The following PAM variants were observed in gnomAD, a reference collection of about 807,000 sequenced individuals.
The protein encoded by PAM is peptidyl-glycine alpha-amidating monooxygenase.
In PAM, 72 loss-of-function variants were observed where a neutral mutation model predicts 122.1. That is an observed-to-expected ratio of 0.59 (90% confidence interval 0.49 to 0.72). PAM has a LOEUF of 0.72. Ranked by LOEUF, PAM falls within the 30% of genes least tolerant of loss-of-function variation. The probability of loss-of-function intolerance (pLI) is 0.00; values close to 1 mark genes in which losing one functional copy is unlikely to be tolerated. For synonymous variants in PAM, 389 were observed against 404.4 expected, an observed-to-expected ratio of 0.96 and a Z score of 0.46; for missense variants, 1,106 against 1,183.7, an observed-to-expected ratio of 0.93 and a Z score of 0.96.
chr5:102,789,739 C>A (rs1346332372), intron 1 of PAM, among the ~76,000 whole-genome samples: 1 of 151,994 alleles, frequency 6.6e-6, no homozygotes, highest in Admixed American at 6.6e-5. Context: ...AACAGTGTGA[C>A]TGTAATTAAT....
At chr5:102,870,362 G>T (rs772783050) in intron 3 of PAM, among the ~76,000 whole-genome samples, 1 of 152,058 alleles carries the variant, frequency 6.6e-6, no homozygotes, top group East Asian at 1.9e-4. Context: ...ATGTAGAACA[G>T]AGGTGGAAAG....
intron 1 of PAM, among the ~76,000 whole-genome samples, chr5:102,823,966 C>G (rs1013992808): frequency 1.3e-5 from 2 of 152,096 alleles, no homozygotes; most frequent in African/African-American, 4.8e-5. Flanking sequence ...ATTATGTAAT[C>G]TTTTCTTTGT....
At chr5:102,995,769 T>A (rs1192447532) in intron 16 of PAM, among the ~76,000 whole-genome samples, 2 of 152,072 alleles carry the variant, frequency 1.3e-5, no homozygotes, top group African/African-American at 4.8e-5. Context: ...ATACTGAATT[T>A]TTTTTGTCTG....
At chr5:102,830,957 G>A (rs1347856688) in intron 1 of PAM, among the ~76,000 whole-genome samples, 2 of 152,100 alleles carry the variant, frequency 1.3e-5, no homozygotes, top group South Asian at 2.1e-4. Context: ...TCAGAAACCA[G>A]CTCTCTCAAT....
At chr5:103,003,512 T>A (rs1778026913) in intron 17 of PAM, among the ~76,000 whole-genome samples, 1 of 152,186 alleles carries the variant, frequency 6.6e-6, no homozygotes. Flanking sequence ...TTAGCTTGAT[T>A]TAATCTCTCC....
chr5:102,816,602 T>C (rs920825003), intron 1 of PAM, among the ~76,000 whole-genome samples: 2 of 152,150 alleles, frequency 1.3e-5, no homozygotes, highest in African/African-American at 4.8e-5. Context: ...CTGACTTGAC[T>C]TTTCAGCATC....
At chr5:102,775,736 A>G (rs1756993160) in intron 1 of PAM, among the ~76,000 whole-genome samples, 1 of 152,138 alleles carries the variant, frequency 6.6e-6, no homozygotes, top group Non-Finnish European at 1.5e-5. Flanking sequence ...TATTCAGTGT[A>G]TCATTGATGG....
rs111550521 is a variant in PAM at position 102,915,065 on chromosome 5, A to G, written c.356+1044A>G. 2.5e-3 allele frequency among the ~76,000 whole-genome samples: 385 copies of G among 152,242 alleles called. 3 individuals carry two copies. The highest frequency in any genetic ancestry group is 8.6e-3 in the African/African-American group (359 of 41,574). ...ATTTTGTTCTTTGGCATTCTTGAAGATCACTGAACTCTGAAAATAGCCACA... is the reference window on the plus strand; with the variant it reads ...ATTTTGTTCTTTGGCATTCTTGAAGGTCACTGAACTCTGAAAATAGCCACA... On this transcript the variant is annotated intron_variant, in intron 5 of 25. Transcript: ENST00000438793.
intron 1 of PAM, among the ~76,000 whole-genome samples, chr5:102,847,629 A>G (rs1780276470): frequency 6.6e-6 from 1 of 152,192 alleles, no homozygotes; most frequent in South Asian, 2.1e-4. Context: ...AAATTTATCT[A>G]CTTGAGTCAG....
In PAM at chr5:102,974,077, C is replaced by A. The variant is rs1766780631; in HGVS notation, c.1163-39C>A. On this transcript the variant is annotated intron_variant, in intron 14 of 25. Coordinates refer to ENST00000438793, the MANE Select transcript of PAM (RefSeq NM_001177306.2). Reference sequence around the variant, plus strand: ...AATTTTGTAAATTTTGCAATCTTATCTACCCTCCACGCCCTTATCTCTTCT... The same window carrying A: ...AATTTTGTAAATTTTGCAATCTTATATACCCTCCACGCCCTTATCTCTTCT... 8 of 1,436,642 alleles carry A rather than the reference C, an allele frequency of 5.6e-6. No individual in the cohort carries two copies. In the Admixed American group the frequency reaches 1.4e-4, roughly 25 times the overall value. The allele number at this position is 1,436,642 out of a possible 1,614,324, so 89.0% of individuals were successfully genotyped here. A position where few individuals can be genotyped will look rare whatever the true frequency, so the allele number is the denominator to read the frequency against.
chr5:102,793,194 A>G (rs1024919513), intron 1 of PAM, among the ~76,000 whole-genome samples: 1 of 152,198 alleles, frequency 6.6e-6, no homozygotes, highest in African/African-American at 2.4e-5. Flanking sequence ...AATTAAGTCC[A>G]AAGTGCCTAG....
chr5:103,011,961 G>A (rs1004055329), intron 21 of PAM, among the ~76,000 whole-genome samples: 3 of 152,114 alleles, frequency 2.0e-5, no homozygotes, highest in African/African-American at 7.2e-5. Flanking sequence ...ATTTTAACTG[G>A]TGTTAGATGA....
At chr5:103,019,987 T>C (rs1783102727) in intron 23 of PAM, 144 bp downstream of exon 23, 1 of 657,974 alleles carries the variant, frequency 1.5e-6, no homozygotes, top group Non-Finnish European at 2.8e-6. Context: ...GTACTGAGCC[T>C]TTAAACCTGT....
intron 14 of PAM, among the ~76,000 whole-genome samples, chr5:102,967,502 T>C (rs1465352340): frequency 6.6e-6 from 1 of 152,208 alleles, no homozygotes; most frequent in Non-Finnish European, 1.5e-5. Context: ...GAATTGCTTA[T>C]TGAGTATCTG....
chr5:102,788,414 A>G (rs1761145726), intron 1 of PAM, among the ~76,000 whole-genome samples: 1 of 149,056 alleles, frequency 6.7e-6, no homozygotes, highest in South Asian at 2.3e-4. Flanking sequence ...TATGGAATGT[A>G]TGCAAGACAT....
intron 15 of PAM, chr5:102,989,823 G>GATAT (rs1773466701): frequency 2.6e-5 from 4 of 152,072 alleles, no homozygotes; most frequent in African/African-American, 9.7e-5. Context: ...TAGATAGATA[G>GATAT]ATAGATAGAT....
intron 1 of PAM, among the ~76,000 whole-genome samples, chr5:102,821,236 A>G (rs1029889857): frequency 1.3e-5 from 2 of 152,188 alleles, no homozygotes; most frequent in African/African-American, 4.8e-5. Context: ...TGTAAAAACC[A>G]TTTATCCTGA....
chr5:102,765,632 C>T (rs994740914), intron 1 of PAM, among the ~76,000 whole-genome samples: 2 of 152,152 alleles, frequency 1.3e-5, no homozygotes, highest in Non-Finnish European at 2.9e-5. Flanking sequence ...TGGCTTAAAC[C>T]ACAGAAATGT....
intron 1 of PAM, among the ~76,000 whole-genome samples, chr5:102,797,820 C>T (rs1158623379): frequency 6.6e-6 from 1 of 152,052 alleles, no homozygotes; most frequent in Non-Finnish European, 1.5e-5. Flanking sequence ...TCCACCTTTC[C>T]TGTATGCTTA....
Sources: gnomAD v4.1 joint callset for allele counts (sites outside exome capture counted in the v4.1 genomes callset) on GRCh38, gnomAD v4.1.1 for gene constraint, MANE v1.5 for transcripts, NCBI Gene and HGNC (gene_info 2026-07-23, HGNC 2026-07-21) for gene names.